Variants in CEP55 observed in about 807,000 individuals in gnomAD.
CEP55 encodes the protein centrosomal protein 55, also known as centrosomal protein of 55 kDa.
In CEP55, 57 loss-of-function variants were observed where a neutral mutation model predicts 63.2. The observed-to-expected ratio is 0.90, with a 90% CI of 0.73 to 1.13. CEP55 has a LOEUF of 1.13. Among genes scored for constraint, CEP55 ranks in the 50% most tolerant of loss-of-function variants. CEP55 has a pLI of 0.00. For synonymous variants in CEP55, 178 were observed against 191.6 expected (o/e 0.93, Z 0.59); for missense variants, 456 against 518.9 (o/e 0.88, Z 1.18).
intron 7 of CEP55, 199 bp downstream of exon 7, chr10:93,519,147 A>G (rs1180762080): frequency 5.8e-6 from 3 of 516,438 alleles, no homozygotes; most frequent in Non-Finnish European, 1.0e-5. Flanking sequence ...TGCTGACCTT[A>G]GGCTAAACAG....
intron 8 of CEP55, among the ~76,000 whole-genome samples, chr10:93,524,863 G>A (rs2057903731): frequency 6.6e-6 from 1 of 152,154 alleles, no homozygotes; most frequent in Non-Finnish European, 1.5e-5. Flanking sequence ...AATAGATGCA[G>A]AAAAGGCCTT....
At chr10:93,503,503 G>A in intron 3 of CEP55, 115 bp downstream of exon 3, 1 of 1,019,156 alleles carries the variant, frequency 9.8e-7, no homozygotes, top group Middle Eastern at 2.9e-4. Flanking sequence ...CAAATGATTA[G>A]TATAGTATAC....
At chr10:93,523,773 G>C (rs2057889594) in intron 8 of CEP55, among the ~76,000 whole-genome samples, 1 of 152,238 alleles carries the variant, frequency 6.6e-6, no homozygotes, top group Non-Finnish European at 1.5e-5. Flanking sequence ...CTAGAACTCA[G>C]GATTAAGAAA....
intron 8 of CEP55, among the ~76,000 whole-genome samples, chr10:93,527,291 C>G (rs994646901): frequency 6.6e-6 from 1 of 152,152 alleles, no homozygotes; most frequent in Non-Finnish European, 1.5e-5. Context: ...CCTTTAATTT[C>G]CATGTAGTAC....
At chr10:93,523,003 A>G (rs1224278293) in intron 8 of CEP55, among the ~76,000 whole-genome samples, 2 of 152,246 alleles carry the variant, frequency 1.3e-5, no homozygotes, top group Non-Finnish European at 2.9e-5. Flanking sequence ...TGTAAAGACC[A>G]TCGAGGCTAG....
chr10:93,497,814 G>T (rs2057588545), intron 1 of CEP55, among the ~76,000 whole-genome samples: 1 of 151,918 alleles, frequency 6.6e-6, no homozygotes, highest in Non-Finnish European at 1.5e-5. Flanking sequence ...TGGATGACTG[G>T]AATAGGAAAT....
At chr10:93,513,950 C>CTTTTTT (rs575229278) in intron 4 of CEP55, among the ~76,000 whole-genome samples, 1 of 144,388 alleles carries the variant, frequency 6.9e-6, no homozygotes, top group African/African-American at 2.5e-5. Context: ...TCCCCCTCCC[C>CTTTTTT]TTTTTTTTTT....
intron 1 of CEP55, among the ~76,000 whole-genome samples, chr10:93,499,518 CTTTTTTTTT>C (rs528933732): frequency 8.3e-6 from 1 of 120,636 alleles, no homozygotes; most frequent in Non-Finnish European, 1.7e-5. Flanking sequence ...TACAAGTTGA[CTTTTTTTTT>C]TTTTTTTTTT....
intron 2 of CEP55, among the ~76,000 whole-genome samples, chr10:93,500,919 C>T (rs530362061): frequency 4.6e-5 from 7 of 152,232 alleles, no homozygotes; most frequent in African/African-American, 1.4e-4. Flanking sequence ...ACCGCTATGC[C>T]TGGCCATTCC....
intron 4 of CEP55, among the ~76,000 whole-genome samples, chr10:93,513,950 C>CTTT (rs575229278): frequency 2.1e-5 from 3 of 144,386 alleles, no homozygotes; most frequent in African/African-American, 2.5e-5. Flanking sequence ...TCCCCCTCCC[C>CTTT]TTTTTTTTTT....
chr10:93,520,665 A>G (rs1175824254), intron 8 of CEP55, among the ~76,000 whole-genome samples: 1 of 152,072 alleles, frequency 6.6e-6, no homozygotes, highest in African/African-American at 2.4e-5. Context: ...GCATTTGAAT[A>G]TATGTCTGTC....
intron 4 of CEP55, among the ~76,000 whole-genome samples, chr10:93,508,784 G>C (rs1212391975): frequency 6.6e-6 from 1 of 152,194 alleles, no homozygotes; most frequent in Non-Finnish European, 1.5e-5. Context: ...GGGGAGGACA[G>C]AATGGGGGCT....
At position 93,517,308 on chromosome 10, in the gene CEP55, A is replaced by T; in HGVS notation, c.993+60A>T. 3 of 1,389,342 alleles carry T rather than the reference A, an allele frequency of 2.2e-6. No individual in the cohort carries two copies. The South Asian group carries it at 4.2e-5, about 20-fold the overall frequency. The allele number at this position is 1,389,342 out of a possible 1,614,324, so 86.1% of individuals were successfully genotyped here. A position where few individuals can be genotyped will look rare whatever the true frequency, so the allele number is the denominator to read the frequency against. On this transcript the variant is annotated intron_variant, in intron 6 of 8. Transcript: ENST00000371485. ...ACCGAACACTTTCTAAGTGTCAGGG[A>T]CTATTTGACCACTAGAGAACTGGCT...
chr10:93,516,834 C>A, intron 5 of CEP55, 101 bp from the exon 6 acceptor site: 1 of 841,138 alleles, frequency 1.2e-6, no homozygotes, highest in Non-Finnish European at 1.8e-6. Context: ...ATGTTGTAAA[C>A]TAAGGAAATA....
In CEP55 at chr10:93,517,047, A is replaced by AT; in HGVS notation, c.795dup (p.Arg266SerfsTer5). 6.2e-7 allele frequency: 1 copy of AT among 1,614,086 alleles called. No homozygotes were observed. The highest frequency in any genetic ancestry group is 8.5e-7 in the Non-Finnish European group (1 of 1,179,956). ...CTCAGCTGAGTTTTGAACTGAGTGA[A>AT]TTTCGAAGAAAATATGAAGAAACCC... On this transcript the variant is annotated frameshift_variant, in exon 6 of 9. Coordinates refer to ENST00000371485, the MANE Select transcript of CEP55 (RefSeq NM_018131.5). LOFTEE classifies it high-confidence loss of function.
At chr10:93,517,340 A>G in intron 6 of CEP55, 92 bp downstream of exon 6, 1 of 975,064 alleles carries the variant, frequency 1.0e-6, no homozygotes, top group South Asian at 1.8e-5. Context: ...GGCTAGGGAC[A>G]AAACAAATTC....
At chr10:93,516,792 T>C in intron 5 of CEP55, 143 bp from the exon 6 acceptor site, 1 of 567,566 alleles carries the variant, frequency 1.8e-6, no homozygotes, top group Non-Finnish European at 3.0e-6. Flanking sequence ...TTTCATCAAA[T>C]ATCAACCATA....
chr10:93,521,255 C>T (rs542997385), intron 8 of CEP55, among the ~76,000 whole-genome samples: 4 of 152,296 alleles, frequency 2.6e-5, no homozygotes, highest in East Asian at 1.9e-4. Context: ...CCTAATACTG[C>T]GCTATTCCGA....
At chr10:93,503,002 C>A in intron 2 of CEP55, 111 bp from the exon 3 acceptor site, 1 of 1,028,828 alleles carries the variant, frequency 9.7e-7, no homozygotes, top group Non-Finnish European at 1.4e-6. Flanking sequence ...TGGTATTTAG[C>A]GTAATGCTGA....
Sources: gnomAD v4.1 joint callset for allele counts (sites outside exome capture counted in the v4.1 genomes callset) on GRCh38, gnomAD v4.1.1 for gene constraint, MANE v1.5 for transcripts, NCBI Gene and HGNC (gene_info 2026-07-23, HGNC 2026-07-21) for gene names.